SLC44A2: variants seen among roughly 807,000 people sequenced by gnomAD.
SLC44A2 encodes choline transporter-like protein 2.
SLC44A2 carries 57 observed loss-of-function variants against 90.8 expected under a neutral mutation model. That is an observed-to-expected ratio of 0.63 (90% CI 0.51 to 0.78). The LOEUF (loss-of-function observed/expected upper bound fraction) is 0.78. SLC44A2 is among the 30% of genes least tolerant of loss of function. The probability of loss-of-function intolerance (pLI) is 0.00; values close to 1 mark genes in which losing one functional copy is unlikely to be tolerated. For missense variants in SLC44A2, 794 were observed against 919.7 expected (o/e 0.86, Z 1.77); for synonymous variants, 355 against 360.7 (o/e 0.98, Z 0.18).
At chr19:10,621,358 GA>G (rs369071696), upstream of SLC44A2, among the ~76,000 whole-genome samples, 279 of 84,306 alleles carry the variant, frequency 3.3e-3, 1 homozygote, top group African/African-American at 0.011. Flanking sequence ...CCTCAAAAAA[GA>G]AAAAAAAAAT....
chr19:10,625,748 C>T, intron 1 of SLC44A2, 78 bp downstream of exon 1: 1 of 1,164,536 alleles, frequency 8.6e-7, no homozygotes, highest in Non-Finnish European at 1.1e-6. Flanking sequence ...ACATGGGGCG[C>T]AGGGAAGGGG....
At chr19:10,642,140 G>A (rs2144896800) in intron 20 of SLC44A2, among the ~76,000 whole-genome samples, 1 of 149,398 alleles carries the variant, frequency 6.7e-6, no homozygotes, top group Admixed American at 6.7e-5. Context: ...CTGGGCAACA[G>A]AGTGAGATTC....
intron 1 of SLC44A2, among the ~76,000 whole-genome samples, chr19:10,607,426 C>G (rs1357953839): frequency 1.3e-5 from 2 of 151,922 alleles, no homozygotes; most frequent in Non-Finnish European, 2.9e-5. Flanking sequence ...TCATAGCTCA[C>G]CGCAGCCTCA....
Position 10,632,069 on chromosome 19 carries a change from A to G in SLC44A2, c.736A>G (p.Ser246Gly). ...IIGLVIAMAM[S>G]LLFIILLRFL... ...AGGCCTGGTCATTGCCATGGCGATGAGCCTCCTGTTCATCATCCTGCTTCG... is the reference window on the plus strand; with the variant it reads ...AGGCCTGGTCATTGCCATGGCGATGGGCCTCCTGTTCATCATCCTGCTTCG... The change falls in exon 10 of 22, where the codon AGC becomes GGC. Residue 246 changes from serine (S) to glycine (G), a missense_variant. Ser to Gly is a moderately conservative substitution (Grantham distance 56, BLOSUM62 0). This residue lies in a region of SLC44A2 where 738 missense variants were observed against 841.1 expected (regional missense o/e 0.88). Coordinates refer to ENST00000335757, the MANE Select transcript of SLC44A2 (RefSeq NM_020428.4). The G allele has an allele frequency of 1.9e-6, 3 of 1,614,038 alleles. No individual in the cohort carries two copies. Among genetic ancestry groups the G allele is most frequent in the Non-Finnish European group, 2.5e-6 (3 of 1,179,996 alleles).
intron 20 of SLC44A2, 97 bp from the exon 21 acceptor site, chr19:10,642,270 A>G: frequency 1.0e-6 from 1 of 979,504 alleles, no homozygotes; most frequent in Non-Finnish European, 1.6e-6. Context: ...GTTTCTCAGC[A>G]GGGGAAGGAT....
upstream of SLC44A2, among the ~76,000 whole-genome samples, chr19:10,624,922 T>C (rs538180069): frequency 5.5e-4 from 83 of 151,954 alleles, no homozygotes; most frequent in Non-Finnish European, 1.0e-4. Context: ...AGCCCACGAG[T>C]CCAGGAGTTA....
chr19:10,643,103 T>C (rs768922521), intron 21 of SLC44A2, 176 bp from the exon 22 acceptor site: 672 of 1,451,068 alleles, frequency 4.6e-4, no homozygotes, highest in Non-Finnish European at 5.5e-4. Flanking sequence ...GGCCTGCGAG[T>C]GTGGGGATCC....
chr19:10,620,813 T>C (rs1285054372), upstream of SLC44A2, among the ~76,000 whole-genome samples: 1 of 152,124 alleles, frequency 6.6e-6, no homozygotes, highest in Non-Finnish European at 1.5e-5. Context: ...GAGGAAGGCT[T>C]GAGCCCATTG....
chr19:10,616,267 G>C (rs1252248216), intron 1 of SLC44A2, among the ~76,000 whole-genome samples: 3 of 152,030 alleles, frequency 2.0e-5, no homozygotes, highest in Non-Finnish European at 4.4e-5. Context: ...GTCTCATTCT[G>C]TTTCCCAGGC....
chr19:10,612,860 G>A (rs1035956489), intron 1 of SLC44A2, among the ~76,000 whole-genome samples: 1 of 152,172 alleles, frequency 6.6e-6, no homozygotes, highest in Non-Finnish European at 1.5e-5. Flanking sequence ...CACCATTGCC[G>A]CAACGTTATC....
Position 10,639,440 on chromosome 19 carries a change from G to T in SLC44A2, c.1929+1125G>T, listed in dbSNP as rs574509344. Among the ~76,000 whole-genome samples the T allele has an allele frequency of 6.0e-4, 7 of 11,576 alleles. No individual in the cohort carries two copies. The South Asian group carries it at 0.019, about 32-fold the overall frequency. The allele number at this position is 11,576 out of a possible 152,430, so 7.6% of individuals were successfully genotyped here. A position where few individuals can be genotyped will look rare whatever the true frequency, so the allele number is the denominator to read the frequency against. The stretch of plus-strand genomic sequence containing the variant: ...ACTGTGGTGGGGGCTGGGCAGGTGT[G>T]GGGGGGGTCCAGGTGGTGCCATGCA... On this transcript the variant is annotated intron_variant, in intron 20 of 21. Transcript: ENST00000335757.
At chr19:10,628,302 T>C (rs2066956193) in intron 4 of SLC44A2, among the ~76,000 whole-genome samples, 1 of 152,138 alleles carries the variant, frequency 6.6e-6, no homozygotes, top group South Asian at 2.1e-4. Context: ...GGAGAATCAC[T>C]TGAACCACAG....
At chr19:10,613,259 T>C (rs988606129) in intron 1 of SLC44A2, among the ~76,000 whole-genome samples, 4 of 151,328 alleles carry the variant, frequency 2.6e-5, no homozygotes, top group Non-Finnish European at 5.9e-5. Context: ...TTCTTTCTTT[T>C]TTTTTTTTGA....
At chr19:10,605,284 G>A (rs1918070372) in intron 1 of SLC44A2, among the ~76,000 whole-genome samples, 1 of 152,114 alleles carries the variant, frequency 6.6e-6, no homozygotes, top group African/African-American at 2.4e-5. Flanking sequence ...GGGAGCCAAG[G>A]CAGGTGGATC....
intron 1 of SLC44A2, among the ~76,000 whole-genome samples, chr19:10,618,927 T>C (rs192686167): frequency 2.6e-4 from 40 of 151,490 alleles, no homozygotes; most frequent in Admixed American, 6.0e-4. Context: ...ATCCTTTCCC[T>C]GTAAATTCTA....
intron 2 of SLC44A2, among the ~76,000 whole-genome samples, chr19:10,626,740 T>C (rs1029901051): frequency 7.3e-5 from 11 of 151,598 alleles, no homozygotes; most frequent in Admixed American, 4.6e-4. Context: ...ATTTTTACCA[T>C]GTTTATATTT....
At chr19:10,628,046 G>T in intron 4 of SLC44A2, 42 bp downstream of exon 4, 1 of 1,540,194 alleles carries the variant, frequency 6.5e-7, no homozygotes, top group Non-Finnish European at 8.9e-7. Flanking sequence ...GGGGAAGAGG[G>T]GGCAGAAGAT....
intron 1 of SLC44A2, among the ~76,000 whole-genome samples, chr19:10,606,745 A>G (rs1230249325): frequency 6.6e-6 from 1 of 151,944 alleles, no homozygotes; most frequent in African/African-American, 2.4e-5. Flanking sequence ...CAGGAGGCAG[A>G]GGTTGCAGTG....
At chr19:10,602,939 A>G (rs1886197150) in intron 1 of SLC44A2, among the ~76,000 whole-genome samples, 1 of 151,794 alleles carries the variant, frequency 6.6e-6, no homozygotes, top group Non-Finnish European at 1.5e-5. Context: ...CCCTTTGTCC[A>G]TTTCTTCCTC....
Sources: allele counts gnomAD v4.1 joint callset (sites outside exome capture counted in the v4.1 genomes callset), GRCh38; gene constraint gnomAD v4.1.1; regional missense constraint gnomAD v4.1.1; transcripts MANE v1.5; gene names NCBI Gene and HGNC (gene_info 2026-07-23, HGNC 2026-07-21).